EYA3: variants seen among roughly 807,000 people sequenced by gnomAD.
EYA3 encodes EYA transcriptional coactivator and phosphatase 3, also known as protein phosphatase EYA3.
EYA3 carries 39 observed loss-of-function variants against 80.0 expected under a neutral mutation model. The ratio of observed to expected loss-of-function variants is 0.49; its 90% CI spans 0.38 to 0.64. The LOEUF (loss-of-function observed/expected upper bound fraction) is 0.64. EYA3 is among the 30% of genes least tolerant of loss of function. The pLI is 0.00. For missense variants in EYA3, 523 were observed against 676.1 expected (o/e 0.77, Z 2.51); for synonymous variants, 206 against 232.8 (o/e 0.88, Z 1.05).
At chr1:28,073,127 A>ATATATATATATATATATTTTTTTTTT (rs1553157671) in intron 1 of EYA3, among the ~76,000 whole-genome samples, 1 of 15,000 alleles carries the variant, frequency 6.7e-5, no homozygotes, top group African/African-American at 3.2e-4. Context: ...ATATATATAT[A>ATATATATATATATATATTTTTTTTTT]TTTTTTTTTT....
intron 7 of EYA3, among the ~76,000 whole-genome samples, chr1:28,023,088 G>T (rs534342933): frequency 1.4e-4 from 9 of 65,524 alleles, no homozygotes; most frequent in South Asian, 9.7e-4. Context: ...TGGGTGGGGG[G>T]GGGGGGGAAA....
At chr1:27,986,042 T>C (rs911247590) in intron 16 of EYA3, among the ~76,000 whole-genome samples, 1 of 152,024 alleles carries the variant, frequency 6.6e-6, no homozygotes, top group African/African-American at 2.4e-5. Context: ...TGGTAAAATA[T>C]GCATAACATG....
intron 1 of EYA3, among the ~76,000 whole-genome samples, chr1:28,063,384 T>A (rs1644714056): frequency 1.6e-5 from 2 of 124,622 alleles, no homozygotes; most frequent in South Asian, 2.8e-4. Flanking sequence ...GGAGACAGCA[T>A]CTTGCTCTGT....
At chr1:28,052,855 T>C (rs1644302677) in intron 2 of EYA3, among the ~76,000 whole-genome samples, 1 of 152,044 alleles carries the variant, frequency 6.6e-6, no homozygotes, top group Non-Finnish European at 1.5e-5. Context: ...GGCAGGGAAC[T>C]ACCTGAACCC....
chr1:27,976,655 A>C (rs1469148615), intron 17 of EYA3, among the ~76,000 whole-genome samples: 1 of 152,224 alleles, frequency 6.6e-6, no homozygotes, highest in Admixed American at 6.5e-5. Flanking sequence ...GCTGCAGAAA[A>C]TATCCTTCAC....
chr1:28,009,666 C>CAACAAA lies in EYA3; in HGVS notation c.909+1280_909+1281insTTTGTT, dbSNP rs1243690052. Among the ~76,000 whole-genome samples, 3 of 151,940 alleles carry CAACAAA rather than the reference C, an allele frequency of 2.0e-5. No individual in the cohort carries two copies. Among genetic ancestry groups the CAACAAA allele is most frequent in the African/African-American group, 7.2e-5 (3 of 41,382 alleles). On this transcript the variant is annotated intron_variant, in intron 10 of 17. Transcript: ENST00000373871. The surrounding 1 kb of genome is among the most constrained non-coding windows in gnomAD (Gnocchi z 4.8). ...ACAACAACAACAACAACAACAACAACAAAAAACCATTATGGTAAATGAAAT... is the reference window on the plus strand; with the variant it reads ...ACAACAACAACAACAACAACAACAACAACAAAAAAAAACCATTATGGTAAATGAAAT...
At chr1:28,012,228 G>C (rs923411478) in intron 9 of EYA3, among the ~76,000 whole-genome samples, 5 of 152,116 alleles carry the variant, frequency 3.3e-5, no homozygotes, top group African/African-American at 1.2e-4. Context: ...CACTAGCCTT[G>C]CAACTTTTCT....
At position 28,058,979 on chromosome 1, in the gene EYA3, A is replaced by G. The variant is rs571990429; in HGVS notation, c.-68-885T>C. Among the ~76,000 whole-genome samples the G allele has an allele frequency of 1.3e-4, 20 of 152,236 alleles. No homozygotes were observed. In the South Asian group the frequency reaches 4.1e-3, roughly 32 times the overall value. On this transcript the variant is annotated intron_variant, in intron 1 of 17. Transcript: ENST00000373871. ...GATGTGATTGCTTGTATATTTAATT[A>G]AAGTCACAGCTGTTTTTAGCTTTTC...
intron 7 of EYA3, among the ~76,000 whole-genome samples, chr1:28,024,342 GAGTACAA>G (rs202229158): frequency 0.014 from 2,090 of 152,126 alleles, 49 homozygotes; most frequent in African/African-American, 0.046. Context: ...AATGATACTA[GAGTACAA>G]AGACACTCAT....
In EYA3 at chr1:27,973,531, T is replaced by C. The variant is rs1044154834; in HGVS notation, c.*935A>G. 6.6e-6 allele frequency: 1 copy of C among 152,140 alleles called. No homozygotes were observed. Among genetic ancestry groups the C allele is most frequent in the African/African-American group, 2.4e-5 (1 of 41,418 alleles). 9.4% of individuals were successfully genotyped at this position (152,140 alleles called of 1,614,324 possible). A position where few individuals can be genotyped will look rare whatever the true frequency, so the allele number is the denominator to read the frequency against. The stretch of plus-strand genomic sequence containing the variant: ...AGTTCCTTCTCTCCAGTTTGGAAGC[T>C]AAGCCTCCTGTGATACAGTCTGAAT... On this transcript the variant is annotated 3_prime_UTR_variant, in exon 18 of 18. Coordinates refer to ENST00000373871, the MANE Select transcript of EYA3 (RefSeq NM_001990.4).
At chr1:28,046,069 A>T (rs1643993123) in intron 3 of EYA3, among the ~76,000 whole-genome samples, 2 of 152,206 alleles carry the variant, frequency 1.3e-5, no homozygotes, top group African/African-American at 4.8e-5. Context: ...GCAGACAGAA[A>T]GTAGAATGGT....
intron 7 of EYA3, among the ~76,000 whole-genome samples, chr1:28,026,321 T>C (rs1642781595): frequency 1.3e-5 from 2 of 152,172 alleles, no homozygotes; most frequent in Non-Finnish European, 2.9e-5. Flanking sequence ...CCTATCAACA[T>C]AGAGAAATAC....
At chr1:27,985,312 C>T (rs1639580380) in intron 16 of EYA3, among the ~76,000 whole-genome samples, 1 of 152,038 alleles carries the variant, frequency 6.6e-6, no homozygotes. Context: ...CCCCCGGGCT[C>T]AAGCAATCCT....
Position 27,972,215 on chromosome 1 carries a change from G to A in EYA3, c.*2251C>T, listed in dbSNP as rs1043015039. ...AAAAACCCAACAGCTATACTGCATA[G>A]GGGGAGGGTTTGAGGCCTCAGAGTA... is the stretch of plus-strand genomic sequence containing the variant. On this transcript the variant is annotated 3_prime_UTR_variant, in exon 18 of 18. Transcript: ENST00000373871. The A allele has an allele frequency of 6.6e-6, 1 of 152,174 alleles. No homozygotes were observed. The highest frequency in any genetic ancestry group is 1.5e-5 in the Non-Finnish European group (1 of 68,052). 9.4% of individuals were successfully genotyped at this position (152,174 alleles called of 1,614,324 possible).
chr1:28,042,705 A>T, intron 3 of EYA3, 55 bp from the exon 4 acceptor site: 1 of 1,438,228 alleles, frequency 7.0e-7, no homozygotes, highest in Non-Finnish European at 9.8e-7. Flanking sequence ...GCATTGCTAA[A>T]AAGTGATGAG....
intron 1 of EYA3, among the ~76,000 whole-genome samples, chr1:28,058,756 G>A (rs906703256): frequency 1.3e-5 from 2 of 152,130 alleles, no homozygotes. Flanking sequence ...AATTATTTAA[G>A]CAAAATCTTT....
At chr1:28,014,356 G>A (rs1373270510) in intron 8 of EYA3, among the ~76,000 whole-genome samples, 2 of 144,564 alleles carry the variant, frequency 1.4e-5, no homozygotes, top group African/African-American at 5.2e-5. Context: ...AGCCCAGGGG[G>A]CAAAGGTTGC....
intron 16 of EYA3, among the ~76,000 whole-genome samples, chr1:27,978,754 G>A (rs578209942): frequency 9.9e-5 from 15 of 152,234 alleles, no homozygotes; most frequent in South Asian, 6.2e-4. Flanking sequence ...ACCTGAGGTC[G>A]GGAATTTGAG....
At chr1:28,032,152 A>T (rs1415813507) in intron 6 of EYA3, 2 of 151,980 alleles carry the variant, frequency 1.3e-5, no homozygotes, top group Admixed American at 1.3e-4. Context: ...AAGTAGCTGG[A>T]ACTACAGGCA....
Sources: gnomAD v4.1 joint callset for allele counts (sites outside exome capture counted in the v4.1 genomes callset) on GRCh38, gnomAD v4.1.1 for gene constraint, Gnocchi (gnomAD v3.1) non-coding constraint, MANE v1.5 for transcripts, NCBI Gene and HGNC (gene_info 2026-07-23, HGNC 2026-07-21) for gene names.